RAB5C: variants seen among roughly 807,000 people sequenced by gnomAD.
RAB5C encodes the protein RAB5C, member RAS oncogene family, also known as ras-related protein Rab-5C.
A neutral mutation model predicts 25.2 loss-of-function variants in RAB5C; 4 were observed. The observed-to-expected ratio is 0.16, with a 90% CI of 0.08 to 0.36. The LOEUF is 0.36. Ranked by LOEUF, RAB5C falls within the 10% of genes least tolerant of loss-of-function variation. The pLI, the probability that RAB5C is intolerant of heterozygous loss-of-function variation, is 1.00. For synonymous variants in RAB5C, 100 were observed against 106.4 expected (o/e 0.94, Z 0.37); for missense variants, 199 against 283.8 (o/e 0.70, Z 2.15).
intron 1 of RAB5C, among the ~76,000 whole-genome samples, chr17:42,149,932 G>A (rs2079659422): frequency 6.9e-6 from 1 of 145,190 alleles, no homozygotes; most frequent in East Asian, 2.1e-4. Flanking sequence ...AGGCTGGAGT[G>A]CAGTGGTGCA....
At chr17:42,145,155 GGAGT>G (rs2079628122) in intron 1 of RAB5C, among the ~76,000 whole-genome samples, 1 of 151,292 alleles carries the variant, frequency 6.6e-6, no homozygotes, top group Non-Finnish European at 1.5e-5. Flanking sequence ...CCTGGGCGAT[GGAGT>G]GAGACTCCAT....
intron 1 of RAB5C, among the ~76,000 whole-genome samples, chr17:42,149,763 T>C (rs2079658115): frequency 6.6e-6 from 1 of 151,984 alleles, no homozygotes; most frequent in South Asian, 2.1e-4. Context: ...TCAATTCTGT[T>C]CAATGTCTAC....
intron 2 of RAB5C, chr17:42,130,113 G>T: frequency 1.7e-6 from 1 of 585,834 alleles, no homozygotes; most frequent in Non-Finnish European, 2.9e-6. Flanking sequence ...AGGATGGGAA[G>T]CTAGCTTTCC....
At chr17:42,149,876 G>GTTT (rs925280473) in intron 1 of RAB5C, among the ~76,000 whole-genome samples, 23 of 121,166 alleles carry the variant, frequency 1.9e-4, no homozygotes, top group South Asian at 2.9e-4. Flanking sequence ...GCCCAGGCTG[G>GTTT]TTTTTTTTTT....
rs115803277 is a variant in RAB5C, at chr17:42,135,131, G to A, written c.-88-4541C>T. ...GGAGTAGCTGGAACTATAGGTATAC[G>A]TCATTACACCCGGCTAAATTTTTGT... On this transcript the variant is annotated intron_variant, in intron 1 of 5. Transcript: ENST00000346213. Among the ~76,000 whole-genome samples, 568 of 151,940 alleles carry A rather than the reference G, an allele frequency of 3.7e-3. 3 individuals are homozygous for A. The highest frequency in any genetic ancestry group is 0.013 in the African/African-American group (543 of 41,422).
intron 1 of RAB5C, among the ~76,000 whole-genome samples, chr17:42,142,224 G>A (rs1215558052): frequency 6.7e-6 from 1 of 149,962 alleles, no homozygotes; most frequent in Non-Finnish European, 1.5e-5. Context: ...TGGTAGAGAT[G>A]GGGTTTCATC....
intron 1 of RAB5C, among the ~76,000 whole-genome samples, chr17:42,144,966 A>C (rs1271001886): frequency 8.0e-6 from 1 of 125,064 alleles, no homozygotes; most frequent in African/African-American, 2.9e-5. Flanking sequence ...AAAAAAAAAA[A>C]AAAAAAAAAA....
At chr17:42,138,300 G>A (rs1359437047) in intron 1 of RAB5C, among the ~76,000 whole-genome samples, 1 of 152,196 alleles carries the variant, frequency 6.6e-6, no homozygotes, top group Non-Finnish European at 1.5e-5. Context: ...TCTTACCTAA[G>A]AGTCTAACAG....
At chr17:42,127,508 G>A (rs1467890338) in intron 4 of RAB5C, among the ~76,000 whole-genome samples, 3 of 152,032 alleles carry the variant, frequency 2.0e-5, no homozygotes, top group African/African-American at 4.8e-5. Flanking sequence ...GACAGGTGAC[G>A]GGCAATTCCT....
Position 42,128,660 on chromosome 17 carries a change from T to C in RAB5C, c.307A>G (p.Ile103Val). 2.0e-6 allele frequency: 3 copies of C among 1,491,650 alleles called. No homozygotes were observed. Among genetic ancestry groups the C allele is most frequent in the Non-Finnish European group, 2.7e-6 (3 of 1,121,044 alleles). The allele number at this position is 1,491,650 out of a possible 1,614,324, so 92.4% of individuals were successfully genotyped here. A position where few individuals can be genotyped will look rare whatever the true frequency, so the allele number is the denominator to read the frequency against. Residue 103 changes from isoleucine to valine, a missense_variant, in exon 3 of 6, where the codon ATC becomes GTC. Ile to Val is a conservative substitution (Grantham distance 29). This residue lies in a region of RAB5C where 154 missense variants were observed against 199.6 expected (regional missense o/e 0.77). Transcript: ENST00000346213. ...GGGGAAATCTTTACTGTGTTGGTGA[T>C]GTCATAGACCACGATGGCAGCCTGG... ...GAQAAIVVYD[I>V]TNTDTFARAK...
intron 1 of RAB5C, among the ~76,000 whole-genome samples, chr17:42,131,276 C>G (rs1433566539): frequency 6.6e-6 from 1 of 152,206 alleles, no homozygotes; most frequent in Non-Finnish European, 1.5e-5. Flanking sequence ...CTCTCTCATC[C>G]TGATCCTTCT....
rs1250788758 is a variant in RAB5C at position 42,131,349 on chromosome 17, C to T, written c.-88-759G>A. Among the ~76,000 whole-genome samples, 1 of 152,010 alleles carries T rather than the reference C, an allele frequency of 6.6e-6. No individual in the cohort carries two copies. The highest frequency in any genetic ancestry group is 1.5e-5 in the Non-Finnish European group (1 of 67,998). ...CACCCATTAAAAAACAAAACACACA[C>T]AGAAACAAACACATAGTAAAACACA... On this transcript the variant is annotated intron_variant, in intron 1 of 5. Transcript: ENST00000346213.
intron 1 of RAB5C, among the ~76,000 whole-genome samples, chr17:42,143,931 G>A (rs143648578): frequency 2.0e-5 from 3 of 151,984 alleles, no homozygotes; most frequent in South Asian, 2.1e-4. Flanking sequence ...GATTACAAGC[G>A]TGCACCATCA....
chr17:42,128,597 TG>T, intron 3 of RAB5C, 51 bp downstream of exon 3: 1 of 1,381,818 alleles, frequency 7.2e-7, no homozygotes, highest in South Asian at 1.7e-5. Flanking sequence ...ACCCAATCCC[TG>T]GGACTTTGAG....
In RAB5C at chr17:42,126,823, T is replaced by C; in HGVS notation, c.467A>G (p.Asn156Ser). The change falls in exon 5 of 6, where the codon AAC (asparagine) becomes AGC (serine). Residue 156 changes from asparagine (N) to serine (S), a missense_variant. This residue lies in a region of RAB5C where 154 missense variants were observed against 199.6 expected (regional missense o/e 0.77). Transcript: ENST00000346213. ...TGATGTCTCCATGAACAGCAAACTG[T>C]TGTCGTCTGCATAGGCTTGTGCTTC... is the stretch of plus-strand genomic sequence containing the variant. ...FQEAQAYADD[N>S]SLLFMETSAK... is the part of the protein sequence containing the mutation. 1 of 1,613,194 alleles carries C rather than the reference T, an allele frequency of 6.2e-7. No individual in the cohort carries two copies. The highest frequency in any genetic ancestry group is 8.5e-7 in the Non-Finnish European group (1 of 1,179,286).
intron 1 of RAB5C, among the ~76,000 whole-genome samples, chr17:42,139,693 C>A (rs912127590): frequency 6.6e-6 from 1 of 152,168 alleles, no homozygotes; most frequent in African/African-American, 2.4e-5. Context: ...ATTTCCTGAC[C>A]TTGTGATCCA....
intron 1 of RAB5C, among the ~76,000 whole-genome samples, chr17:42,150,926 G>A (rs1055497043): frequency 1.3e-5 from 2 of 152,156 alleles, no homozygotes; most frequent in African/African-American, 4.8e-5. Context: ...CAGTCTGCCA[G>A]CACTGGACTA....
intron 1 of RAB5C, among the ~76,000 whole-genome samples, chr17:42,133,514 T>C (rs144108875): frequency 6.6e-6 from 1 of 152,214 alleles, no homozygotes; most frequent in Non-Finnish European, 1.5e-5. Context: ...TGTCTGTACA[T>C]TGAAGTCATC....
chr17:42,152,357 G>A (rs774740144), intron 1 of RAB5C, among the ~76,000 whole-genome samples: 1 of 152,104 alleles, frequency 6.6e-6, no homozygotes, highest in Non-Finnish European at 1.5e-5. Flanking sequence ...CGGAGCCATC[G>A]CTCTCTCTGC....
Sources: allele counts gnomAD v4.1 joint callset (sites outside exome capture counted in the v4.1 genomes callset), GRCh38; gene constraint gnomAD v4.1.1; regional missense constraint gnomAD v4.1.1; transcripts MANE v1.5; gene names NCBI Gene and HGNC (gene_info 2026-07-23, HGNC 2026-07-21).